The following CTPS2 variants were observed in gnomAD, a reference collection of about 807,000 sequenced individuals.
CTPS2 encodes CTP synthase 2, also known as CTP synthase II.
Under a neutral mutation model 46.8 loss-of-function variants are expected in CTPS2, and 19 were observed. The observed-to-expected ratio is 0.41, with a 90% CI of 0.28 to 0.60. The LOEUF is 0.60. Ranked by LOEUF, CTPS2 falls within the 20% of genes least tolerant of loss-of-function variation. The probability of loss-of-function intolerance (pLI) is 0.35; values close to 1 mark genes in which losing one functional copy is unlikely to be tolerated. For synonymous variants in CTPS2, 151 were observed against 165.2 expected (o/e 0.91, Z 0.66); for missense variants, 286 against 447.6 (o/e 0.64, Z 3.26).
intron 2 of CTPS2, among the ~76,000 whole-genome samples, chrX:16,701,373 A>G (rs933634952): frequency 1.8e-5 from 2 of 109,367 alleles, no homozygotes; most frequent in Non-Finnish European, 3.8e-5. Flanking sequence ...CCTAAGTAAC[A>G]TGGCGAAATC....
chrX:16,616,198 T>C (rs1930519151), intron 16 of CTPS2, among the ~76,000 whole-genome samples: 1 of 111,902 alleles, frequency 8.9e-6, no homozygotes, highest in African/African-American at 3.2e-5. Flanking sequence ...GAACACTGCC[T>C]TCTGTCTCAT....
At chrX:16,638,254 C>G (rs1417085982) in intron 14 of CTPS2, among the ~76,000 whole-genome samples, 3 of 37,979 alleles carry the variant, frequency 7.9e-5, no homozygotes, top group African/African-American at 1.0e-4. Flanking sequence ...GACTCTGTCT[C>G]AAAAAAAAAA....
At chrX:16,663,460 T>A (rs1170716052) in intron 13 of CTPS2, among the ~76,000 whole-genome samples, 5 of 111,827 alleles carry the variant, frequency 4.5e-5, no homozygotes, top group Admixed American at 3.8e-4. Flanking sequence ...ATCTTTTTTT[T>A]AAACGCAATA....
chrX:16,631,481 T>C (rs1602164529), intron 14 of CTPS2, among the ~76,000 whole-genome samples: 2 of 111,977 alleles, frequency 1.8e-5, no homozygotes, highest in African/African-American at 6.5e-5. Flanking sequence ...ATCACACCAC[T>C]GCCCTTCAGC....
rs1924314713 is a variant in CTPS2, at chrX:16,698,614, G to A, written c.338-278C>T. ...CGCCCAGGCTGGAGTGCAGTGGCAC[G>A]ATCTCGGCTCACTGCAATCTCTGCC... On this transcript the variant is annotated intron_variant, in intron 3 of 18. Transcript: ENST00000359276. 3.6e-5 allele frequency among the ~76,000 whole-genome samples: 4 copies of A among 110,374 alleles called. No homozygotes were observed. The South Asian group carries it at 1.2e-3, about 32-fold the overall frequency.
intron 17 of CTPS2, among the ~76,000 whole-genome samples, chrX:16,597,321 T>C (rs1450180176): frequency 8.9e-6 from 1 of 111,985 alleles, no homozygotes; most frequent in Admixed American, 9.5e-5. Flanking sequence ...GTTTTTATGG[T>C]TTTAGGTCTA....
chrX:16,648,629 T>C (rs1249362155), intron 13 of CTPS2, among the ~76,000 whole-genome samples: 1 of 112,447 alleles, frequency 8.9e-6, no homozygotes, highest in Non-Finnish European at 1.9e-5. Flanking sequence ...TATTTTTGTG[T>C]AAAATCTTAT....
At chrX:16,650,713 C>T (rs1017128382) in intron 13 of CTPS2, among the ~76,000 whole-genome samples, 4 of 109,334 alleles carry the variant, frequency 3.7e-5, no homozygotes, top group African/African-American at 1.3e-4. Flanking sequence ...ACCATGTTGG[C>T]CAGGCTTCCA....
intron 13 of CTPS2, among the ~76,000 whole-genome samples, chrX:16,647,913 T>A (rs1239715890): frequency 1.8e-5 from 2 of 110,387 alleles, no homozygotes; most frequent in African/African-American, 6.6e-5. Context: ...AAAACCCATG[T>A]TGTATTTTTC....
chrX:16,657,665 T>C (rs961855169), intron 13 of CTPS2, among the ~76,000 whole-genome samples: 30 of 111,854 alleles, frequency 2.7e-4, no homozygotes, highest in African/African-American at 9.8e-4. Context: ...GTGTGTCCTA[T>C]CAAAAAGAAT....
At position 16,670,498 on chromosome X, in the gene CTPS2, A is replaced by G; in HGVS notation, c.1189+82T>C. ...TCAAATCCGAGTTCACACCTTTACG[A>G]TAACAAACCTTTAGTGTTACCCCTC... On this transcript the variant is annotated intron_variant, in intron 11 of 18. Transcript: ENST00000359276. The G allele has an allele frequency of 4.2e-6, 3 of 711,414 alleles. No individual in the cohort carries two copies. The South Asian group carries it at 8.6e-5, about 20-fold the overall frequency. The allele number at this position is 711,414 out of a possible 1,213,427, so 58.6% of individuals were successfully genotyped here.
chrX:16,680,554 CA>C (rs763759349), intron 9 of CTPS2, among the ~76,000 whole-genome samples: 70 of 34,839 alleles, frequency 2.0e-3, no homozygotes, highest in Non-Finnish European at 1.8e-3. Context: ...GACCCTGTCT[CA>C]AAAAAAAAAA....
chrX:16,665,972 G>A (rs1262741000), intron 13 of CTPS2, among the ~76,000 whole-genome samples: 5 of 111,844 alleles, frequency 4.5e-5, no homozygotes, highest in Admixed American at 9.5e-5. Context: ...GTCTAGTCTC[G>A]AACTCCTGAC....
At chrX:16,633,879 G>C (rs1323858929) in intron 14 of CTPS2, among the ~76,000 whole-genome samples, 4 of 111,799 alleles carry the variant, frequency 3.6e-5, no homozygotes, top group African/African-American at 1.3e-4. Flanking sequence ...AGTCATAAAA[G>C]TGTTCATACC....
chrX:16,688,394 C>T (rs1923418036), intron 8 of CTPS2, among the ~76,000 whole-genome samples: 1 of 103,937 alleles, frequency 9.6e-6, no homozygotes, highest in African/African-American at 3.4e-5. Flanking sequence ...AGTGACACTC[C>T]ATCTCAAAAA....
At chrX:16,610,287 T>C (rs1930197436) in intron 16 of CTPS2, among the ~76,000 whole-genome samples, 1 of 111,411 alleles carries the variant, frequency 9.0e-6, no homozygotes, top group African/African-American at 3.3e-5. Context: ...TGGCTATGAC[T>C]CAAACTAAAG....
chrX:16,610,483 A>G (rs1359141513), intron 16 of CTPS2, among the ~76,000 whole-genome samples: 2 of 111,708 alleles, frequency 1.8e-5, no homozygotes, highest in African/African-American at 6.5e-5. Flanking sequence ...GCAAATGTCT[A>G]CTTTCTTAAG....
intron 13 of CTPS2, among the ~76,000 whole-genome samples, chrX:16,666,376 A>G (rs1268118898): frequency 2.7e-5 from 3 of 111,890 alleles, no homozygotes; most frequent in African/African-American, 9.8e-5. Context: ...AAATTTTTCA[A>G]TGCTTTTATT....
chrX:16,683,396 G>A (rs1020006928), intron 8 of CTPS2, among the ~76,000 whole-genome samples, 170 bp from the exon 9 acceptor site: 2 of 111,151 alleles, frequency 1.8e-5, no homozygotes, highest in Non-Finnish European at 3.8e-5. Context: ...CCAGGAGTTT[G>A]AGACCAGACT....
Sources: gnomAD v4.1 joint callset for allele counts (sites outside exome capture counted in the v4.1 genomes callset) on GRCh38, gnomAD v4.1.1 for gene constraint, MANE v1.5 for transcripts, NCBI Gene and HGNC (gene_info 2026-07-23, HGNC 2026-07-21) for gene names.